SPRY3: variants seen among roughly 807,000 people sequenced by gnomAD.
SPRY3 encodes protein sprouty homolog 3.
Under a neutral mutation model 20.2 loss-of-function variants are expected in SPRY3, and 15 were observed. The ratio of observed to expected loss-of-function variants is 0.74; its 90% CI spans 0.50 to 1.14. The LOEUF is 1.14. Ranked by LOEUF, SPRY3 falls within the 50% of genes most tolerant of loss-of-function variation. The pLI is 0.00. For synonymous variants in SPRY3, 143 were observed against 136.5 expected (o/e 1.05, Z -0.33); for missense variants, 364 against 363.9 (o/e 1.00, Z 0.00).
At chrX:155,616,176 C>T (rs2067853460) in intron 1 of SPRY3, among the ~76,000 whole-genome samples, 1 of 87,819 alleles carries the variant, frequency 1.1e-5, no homozygotes, top group Admixed American at 1.4e-4. Flanking sequence ...TCTCTCTCAT[C>T]CCCTCGTTCC....
At chrX:155,661,750 TTCTG>T (rs782090132) in intron 2 of SPRY3, among the ~76,000 whole-genome samples, 4 of 111,853 alleles carry the variant, frequency 3.6e-5, no homozygotes, top group African/African-American at 9.7e-5. Context: ...TTTTCTTTAT[TTCTG>T]TCTAAGTAGG....
intron 1 of SPRY3, among the ~76,000 whole-genome samples, chrX:155,617,661 G>T (rs141458832): frequency 9.0e-6 from 1 of 111,471 alleles, no homozygotes; most frequent in East Asian, 2.8e-4. Flanking sequence ...TGTTGGGACG[G>T]GTAAACATAT....
chrX:155,620,459 A>G (rs1370827023), intron 1 of SPRY3, among the ~76,000 whole-genome samples: 3 of 111,622 alleles, frequency 2.7e-5, no homozygotes, highest in African/African-American at 9.7e-5. Context: ...ATGCAAATTG[A>G]TAATTAACTA....
chrX:155,741,083 C>A (rs2091202531), intron 2 of SPRY3, among the ~76,000 whole-genome samples: 1 of 151,928 alleles, frequency 6.6e-6, no homozygotes, highest in Non-Finnish European at 1.5e-5. Context: ...TAACCCAATG[C>A]AAAAAAGCTA....
At chrX:155,770,294 T>C (rs1480072053) in intron 3 of SPRY3, among the ~76,000 whole-genome samples, 2 of 152,224 alleles carry the variant, frequency 1.3e-5, no homozygotes, top group African/African-American at 2.4e-5. Context: ...TTCAACTTTA[T>C]TCTCAACATG....
intron 1 of SPRY3, among the ~76,000 whole-genome samples, chrX:155,653,178 A>T (rs1324251334): frequency 9.0e-6 from 1 of 111,363 alleles, no homozygotes; most frequent in African/African-American, 3.3e-5. Flanking sequence ...ATGATTTGCA[A>T]ATATGTTCTC....
At chrX:155,750,256 C>T (rs184013579) in intron 2 of SPRY3, among the ~76,000 whole-genome samples, 1 of 151,804 alleles carries the variant, frequency 6.6e-6, no homozygotes, top group African/African-American at 2.4e-5. Flanking sequence ...AAGATGGCAA[C>T]AATAGGCACT....
intron 2 of SPRY3, among the ~76,000 whole-genome samples, chrX:155,736,136 C>T (rs143016321): frequency 4.5e-4 from 68 of 152,052 alleles, no homozygotes; most frequent in African/African-American, 1.6e-3. Context: ...ACATTTCTGT[C>T]ATATATTTCA....
chrX:155,613,596 A>G (rs1279627745), intron 1 of SPRY3, among the ~76,000 whole-genome samples: 1 of 112,300 alleles, frequency 8.9e-6, no homozygotes, highest in Non-Finnish European at 1.9e-5. Context: ...CTAATGTCAA[A>G]AAAGCAATAA....
chrX:155,724,981 G>C (rs1251236073), intron 2 of SPRY3, among the ~76,000 whole-genome samples: 1 of 152,140 alleles, frequency 6.6e-6, no homozygotes, highest in Non-Finnish European at 1.5e-5. Context: ...TTATTATTTT[G>C]AGATACATTC....
chrX:155,656,258 T>C (rs1363439324), intron 1 of SPRY3, among the ~76,000 whole-genome samples: 4 of 111,630 alleles, frequency 3.6e-5, no homozygotes, highest in African/African-American at 1.3e-4. Flanking sequence ...TTTAGTCTTT[T>C]CACATAGTCC....
chrX:155,636,390 A>G (rs1277792974), intron 1 of SPRY3, among the ~76,000 whole-genome samples: 6 of 112,009 alleles, frequency 5.4e-5, no homozygotes, highest in African/African-American at 1.9e-4. Flanking sequence ...CAAGATTTTT[A>G]AGGATTCAGA....
intron 2 of SPRY3, among the ~76,000 whole-genome samples, chrX:155,710,320 G>A (rs1355732332): frequency 6.6e-6 from 1 of 151,362 alleles, no homozygotes; most frequent in Non-Finnish European, 1.5e-5. Flanking sequence ...CATTTTTTGT[G>A]CGTACTCTTC....
At chrX:155,721,555 A>G (rs2091058129) in intron 2 of SPRY3, among the ~76,000 whole-genome samples, 1 of 152,164 alleles carries the variant, frequency 6.6e-6, no homozygotes, top group African/African-American at 2.4e-5. Context: ...AAAAGTAGCA[A>G]GAGAAAATAA....
intron 2 of SPRY3, among the ~76,000 whole-genome samples, chrX:155,730,490 T>C (rs1363880646): frequency 6.6e-6 from 1 of 152,144 alleles, no homozygotes; most frequent in African/African-American, 2.4e-5. Flanking sequence ...TTGACATCGC[T>C]TCATTATAAA....
intron 2 of SPRY3, among the ~76,000 whole-genome samples, chrX:155,682,025 A>G (rs2068075286): frequency 8.9e-6 from 1 of 112,879 alleles, no homozygotes; most frequent in Non-Finnish European, 1.9e-5. Context: ...TTCTATTGGA[A>G]GAATATGCCA....
chrX:155,624,517 C>CATCT (rs141240143), intron 1 of SPRY3, among the ~76,000 whole-genome samples: 22,697 of 102,146 alleles, frequency 0.22, 2,169 homozygotes, highest in East Asian at 0.36. Context: ...ATTTATCTAT[C>CATCT]ATCTATCTAT....
At chrX:155,693,774 A>C (rs1173331112) in intron 2 of SPRY3, among the ~76,000 whole-genome samples, 3 of 99,460 alleles carry the variant, frequency 3.0e-5, no homozygotes, top group Non-Finnish European at 6.2e-5. Flanking sequence ...CATACTGATA[A>C]TCTCTGTATT....
intron 2 of SPRY3, among the ~76,000 whole-genome samples, chrX:155,666,677 C>T (rs984918221): frequency 9.0e-6 from 1 of 111,041 alleles, no homozygotes; most frequent in Non-Finnish European, 1.9e-5. Context: ...TTGTGTTGAA[C>T]GTGTGGGATG....
Sources: gnomAD v4.1 joint callset for allele counts (sites outside exome capture counted in the v4.1 genomes callset) on GRCh38, gnomAD v4.1.1 for gene constraint, MANE v1.5 for transcripts, NCBI Gene and HGNC (gene_info 2026-07-23, HGNC 2026-07-21) for gene names.